CDK8: variants seen among roughly 807,000 people sequenced by gnomAD.
The protein encoded by CDK8 is cyclin-dependent kinase 8.
In CDK8, 29 loss-of-function variants were observed where a neutral mutation model predicts 71.5. That is an observed-to-expected ratio of 0.41 (90% confidence interval 0.30 to 0.55). CDK8 has a LOEUF of 0.55. Ranked by LOEUF, CDK8 falls within the 20% of genes least tolerant of loss-of-function variation. The probability of loss-of-function intolerance (pLI) is 0.37; values close to 1 mark genes in which losing one functional copy is unlikely to be tolerated. For missense variants in CDK8, 288 were observed against 572.6 expected (o/e 0.50, Z 5.07); for synonymous variants, 161 against 192.1 (o/e 0.84, Z 1.34).
chr13:26,289,811 A>C (rs1873213335), intron 1 of CDK8, among the ~76,000 whole-genome samples: 1 of 152,156 alleles, frequency 6.6e-6, no homozygotes, highest in African/African-American at 2.4e-5. Context: ...CAGCCTCCCA[A>C]AGTGCTGGGA....
At chr13:26,265,502 T>C (rs370171798) in intron 1 of CDK8, among the ~76,000 whole-genome samples, 1 of 152,194 alleles carries the variant, frequency 6.6e-6, no homozygotes, top group African/African-American at 2.4e-5. Flanking sequence ...GTAATATCAC[T>C]CGTGGCTCCA....
intron 1 of CDK8, among the ~76,000 whole-genome samples, chr13:26,304,534 A>G (rs1453433691): frequency 5.3e-5 from 8 of 152,084 alleles, no homozygotes; most frequent in Non-Finnish European, 1.2e-4. Flanking sequence ...AGATTAAAAC[A>G]TGCATTTTTT....
At chr13:26,396,405 C>T (rs375232004) in intron 8 of CDK8, 51 bp downstream of exon 8, 74 of 826,618 alleles carry the variant, frequency 9.0e-5, no homozygotes, top group African/African-American at 8.7e-4. Flanking sequence ...TACCAGAATA[C>T]TCAGTGTAAG....
intron 1 of CDK8, among the ~76,000 whole-genome samples, chr13:26,257,994 G>A (rs147373086): frequency 1.9e-3 from 285 of 152,098 alleles, no homozygotes; most frequent in African/African-American, 6.6e-3. Context: ...TAAGTAGGCA[G>A]TGATAATGGC....
intron 1 of CDK8, among the ~76,000 whole-genome samples, chr13:26,279,131 C>G (rs773820011): frequency 1.3e-5 from 2 of 149,548 alleles, no homozygotes; most frequent in African/African-American, 5.0e-5. Flanking sequence ...GAATCCATCT[C>G]GATAGTAAAA....
chr13:26,326,625 A>C (rs1031996158), intron 1 of CDK8, among the ~76,000 whole-genome samples: 4 of 152,180 alleles, frequency 2.6e-5, no homozygotes, highest in African/African-American at 9.7e-5. Flanking sequence ...AAGATTCTTA[A>C]GAATCTTTAG....
chr13:26,302,152 A>G (rs769386117), intron 1 of CDK8, among the ~76,000 whole-genome samples: 2 of 152,224 alleles, frequency 1.3e-5, no homozygotes, highest in Non-Finnish European at 1.5e-5. Context: ...ATCAAGGACT[A>G]TGCTATTTAA....
intron 1 of CDK8, among the ~76,000 whole-genome samples, chr13:26,286,476 C>T (rs1873025501): frequency 6.6e-6 from 1 of 152,176 alleles, no homozygotes; most frequent in East Asian, 1.9e-4. Context: ...AAGAATGAAA[C>T]TGGATCCTCA....
chr13:26,273,736 G>A (rs1004774408), intron 1 of CDK8, among the ~76,000 whole-genome samples: 16 of 151,636 alleles, frequency 1.1e-4, no homozygotes, highest in African/African-American at 3.9e-4. Context: ...TACCTATGGT[G>A]TTTTCCTTTA....
At chr13:26,278,851 A>G (rs1374843995) in intron 1 of CDK8, among the ~76,000 whole-genome samples, 1 of 150,704 alleles carries the variant, frequency 6.6e-6, no homozygotes, top group Non-Finnish European at 1.5e-5. Flanking sequence ...CGTACTGAAC[A>G]GTTACAGACT....
At chr13:26,287,349 A>G (rs934282205) in intron 1 of CDK8, among the ~76,000 whole-genome samples, 14 of 152,124 alleles carry the variant, frequency 9.2e-5, no homozygotes, top group African/African-American at 3.4e-4. Flanking sequence ...GCTCACTGCA[A>G]CCTCCAACAC....
chr13:26,404,074 G>C lies in CDK8; in HGVS notation c.1388G>C (p.Arg463Pro). 1 of 1,613,878 alleles carries C rather than the reference G, an allele frequency of 6.2e-7. No individual in the cohort carries two copies. The highest frequency in any genetic ancestry group is 1.1e-5 in the South Asian group (1 of 91,076). ...CCACAGTACTCACATCAGACACATC[G>C]GTACTGAGCTGCATCGGAATCTTGT... ...QPPQYSHQTH[R>P]Y Residue 463 changes from arginine to proline, a missense_variant, in exon 13 of 13, where the codon CGG becomes CCG. By Grantham distance (103) the Arg-to-Pro change is moderately radical. Around this residue, in one of 6 missense-constraint regions of CDK8, gnomAD observed 76 missense variants for 99.7 expected, o/e 0.76. Coordinates refer to ENST00000381527, the MANE Select transcript of CDK8 (RefSeq NM_001260.3).
chr13:26,325,917 C>T (rs1279701914), intron 1 of CDK8, among the ~76,000 whole-genome samples: 1 of 152,016 alleles, frequency 6.6e-6, no homozygotes, highest in Non-Finnish European at 1.5e-5. Context: ...GAAGTCAGTT[C>T]TTCATGTATA....
At chr13:26,373,297 A>T (rs1208477714) in intron 4 of CDK8, among the ~76,000 whole-genome samples, 1 of 152,010 alleles carries the variant, frequency 6.6e-6, no homozygotes, top group East Asian at 1.9e-4. Flanking sequence ...TCCTTATGTG[A>T]TAGATACAGT....
At chr13:26,389,054 C>T (rs1469902821) in intron 6 of CDK8, among the ~76,000 whole-genome samples, 1 of 152,204 alleles carries the variant, frequency 6.6e-6, no homozygotes, top group Non-Finnish European at 1.5e-5. Context: ...AGTCTTACTT[C>T]TATCACTCTG....
chr13:26,293,471 G>A (rs535598694), intron 1 of CDK8, among the ~76,000 whole-genome samples: 4 of 151,870 alleles, frequency 2.6e-5, no homozygotes, highest in Admixed American at 1.3e-4. Flanking sequence ...TGGCCATGGC[G>A]GTGTGCACCT....
chr13:26,305,736 C>T (rs979393140), intron 1 of CDK8, among the ~76,000 whole-genome samples: 2 of 152,024 alleles, frequency 1.3e-5, no homozygotes, highest in African/African-American at 4.8e-5. Context: ...GCTTTTAAAC[C>T]TGTCAGTTGT....
At chr13:26,286,472 GA>G (rs1873025328) in intron 1 of CDK8, among the ~76,000 whole-genome samples, 1 of 152,186 alleles carries the variant, frequency 6.6e-6, no homozygotes, top group Admixed American at 6.5e-5. Context: ...GTAGAAGAAT[GA>G]AACTGGATCC....
intron 3 of CDK8, among the ~76,000 whole-genome samples, chr13:26,350,922 T>C (rs1408094086): frequency 6.6e-6 from 1 of 152,156 alleles, no homozygotes; most frequent in Non-Finnish European, 1.5e-5. Context: ...CTATAAAATT[T>C]GCTCTTTTAT....
Sources: gnomAD v4.1 joint callset for allele counts (sites outside exome capture counted in the v4.1 genomes callset) on GRCh38, gnomAD v4.1.1 for gene constraint, gnomAD v4.1.1 regional missense constraint, MANE v1.5 for transcripts, NCBI Gene and HGNC (gene_info 2026-07-23, HGNC 2026-07-21) for gene names.